PKHD1: variants seen among roughly 807,000 people sequenced by gnomAD.
PKHD1 encodes the protein fibrocystin.
A neutral mutation model predicts 412.0 loss-of-function variants in PKHD1; 291 were observed. That is an observed-to-expected ratio of 0.71 (90% CI 0.64 to 0.78). The LOEUF (loss-of-function observed/expected upper bound fraction) is 0.78, where lower values mean the gene tolerates loss of function less well. Ranked by LOEUF, PKHD1 falls within the 30% of genes least tolerant of loss-of-function variation. The probability of loss-of-function intolerance (pLI) is 0.00; values close to 1 mark genes in which losing one functional copy is unlikely to be tolerated. For synonymous variants in PKHD1, 1,777 were observed against 1,821.5 expected (o/e 0.98, Z 0.62); for missense variants, 4,825 against 4,950.7 (o/e 0.97, Z 0.76).
At chr6:51,698,888 T>C (rs1183197313) in intron 60 of PKHD1, among the ~76,000 whole-genome samples, 1 of 152,216 alleles carries the variant, frequency 6.6e-6, no homozygotes, top group Non-Finnish European at 1.5e-5. Flanking sequence ...AATATCCTTT[T>C]TGATCATAAC....
chr6:51,616,635 A>C lies in PKHD1; in HGVS notation c.*2446T>G. ...ATGCTAGAGCCTGGCAAGTTACTGA[A>C]GATGTTTATAGCTGCTATTTAGGCC... On this transcript the variant is annotated 3_prime_UTR_variant, in exon 67 of 67. Coordinates refer to ENST00000371117, the MANE Select transcript of PKHD1 (RefSeq NM_138694.4). 2.5e-6 allele frequency: 1 copy of C among 397,978 alleles called. No individual in the cohort carries two copies. The highest frequency in any genetic ancestry group is 4.4e-6 in the Non-Finnish European group (1 of 225,822). 24.7% of individuals were successfully genotyped at this position (397,978 alleles called of 1,614,324 possible).
chr6:51,619,015 C>T lies in PKHD1; in HGVS notation c.*66G>A. 6.9e-7 allele frequency: 1 copy of T among 1,448,608 alleles called. No homozygotes were observed. Among genetic ancestry groups the T allele is most frequent in the Non-Finnish European group, 9.7e-7 (1 of 1,030,974 alleles). 89.7% of individuals were successfully genotyped at this position (1,448,608 alleles called of 1,614,324 possible). ...CCCAGCAGGACAGTCCTCACTTCCC[C>T]AGCTTATTATCCAGAAATACTGGGA... On this transcript the variant is annotated 3_prime_UTR_variant, in exon 67 of 67. Transcript: ENST00000371117.
intron 60 of PKHD1, among the ~76,000 whole-genome samples, chr6:51,669,521 A>C (rs2150489601): frequency 6.9e-6 from 1 of 145,814 alleles, no homozygotes; most frequent in South Asian, 2.3e-4. Flanking sequence ...TAATTTTTTG[A>C]AGGGTTTTTT....
At chr6:51,925,457 G>A (rs76578066) in intron 37 of PKHD1, among the ~76,000 whole-genome samples, 24 of 128,930 alleles carry the variant, frequency 1.9e-4, no homozygotes, top group African/African-American at 5.9e-4. Context: ...GTGTGTGTAT[G>A]TGTGTGTGTG....
intron 35 of PKHD1, among the ~76,000 whole-genome samples, chr6:51,973,541 A>T (rs986121110): frequency 6.6e-6 from 1 of 152,202 alleles, no homozygotes; most frequent in African/African-American, 2.4e-5. Flanking sequence ...AGTCCCTCAT[A>T]GTTTGGAAAT....
At chr6:51,635,875 C>CGG (rs1768489345) in intron 64 of PKHD1, among the ~76,000 whole-genome samples, 1 of 76,518 alleles carries the variant, frequency 1.3e-5, no homozygotes, top group Non-Finnish European at 2.7e-5. Context: ...GGGCGGGGGG[C>CGG]CGGGGGCGGA....
chr6:51,785,582 T>C (rs1265295527), intron 53 of PKHD1, among the ~76,000 whole-genome samples: 1 of 152,254 alleles, frequency 6.6e-6, no homozygotes, highest in Non-Finnish European at 1.5e-5. Context: ...TTTTCTTTTC[T>C]ATTTTCTTTG....
chr6:52,061,678 AC>A (rs936202450), intron 14 of PKHD1, among the ~76,000 whole-genome samples: 3 of 151,434 alleles, frequency 2.0e-5, no homozygotes, highest in African/African-American at 7.3e-5. Context: ...AACGGTAAAA[AC>A]CGCAATTACT....
At chr6:52,071,153 G>T in intron 8 of PKHD1, 83 bp from the exon 9 acceptor site, 2 of 1,045,738 alleles carry the variant, frequency 1.9e-6, no homozygotes, top group Non-Finnish European at 3.0e-6. Context: ...AAAGTAGAAA[G>T]CAAAAGAAAA....
At chr6:51,654,736 G>A (rs1771535774) in intron 61 of PKHD1, among the ~76,000 whole-genome samples, 1 of 151,868 alleles carries the variant, frequency 6.6e-6, no homozygotes. Context: ...TAAAGATTTA[G>A]TGGTCTGGCA....
intron 52 of PKHD1, 111 bp from the exon 53 acceptor site, chr6:51,791,484 G>T: frequency 1.1e-6 from 1 of 921,160 alleles, no homozygotes; most frequent in Non-Finnish European, 1.7e-6. Context: ...TCTAAACCAG[G>T]ACAGGTATAG....
At chr6:51,959,772 A>C (rs1583571931) in intron 36 of PKHD1, 98 bp downstream of exon 36, 1 of 1,112,986 alleles carries the variant, frequency 9.0e-7, no homozygotes, top group East Asian at 2.4e-5. Context: ...ATTGTCAACT[A>C]AGTTCTGGAA....
intron 4 of PKHD1, among the ~76,000 whole-genome samples, chr6:52,080,522 A>C (rs1811882222): frequency 6.6e-6 from 1 of 152,202 alleles, no homozygotes; most frequent in South Asian, 2.1e-4. Flanking sequence ...TTGCCACCTG[A>C]TGCTGACATC....
intron 37 of PKHD1, among the ~76,000 whole-genome samples, chr6:51,917,925 A>T (rs1784081549): frequency 6.6e-6 from 1 of 152,184 alleles, no homozygotes; most frequent in Non-Finnish European, 1.5e-5. Flanking sequence ...TTAAGCCCAT[A>T]GTACACATAT....
chr6:51,791,462 T>C, intron 52 of PKHD1, 89 bp from the exon 53 acceptor site: 1 of 1,215,104 alleles, frequency 8.2e-7, no homozygotes, highest in Non-Finnish European at 1.2e-6. Context: ...TTGGGAGCTG[T>C]GTACAGTGTT....
intron 43 of PKHD1, among the ~76,000 whole-genome samples, chr6:51,893,600 C>T (rs985892265): frequency 2.0e-5 from 3 of 152,168 alleles, no homozygotes; most frequent in East Asian, 1.9e-4. Flanking sequence ...TGGCAGCTTG[C>T]GGGGAAGGTT....
intron 9 of PKHD1, among the ~76,000 whole-genome samples, chr6:52,070,749 T>C (rs950931619): frequency 2.0e-5 from 3 of 152,160 alleles, no homozygotes; most frequent in Admixed American, 2.0e-4. Context: ...TAAATATTGA[T>C]TTACTGGTAA....
At chr6:51,764,380 G>C (rs1174262111) in intron 55 of PKHD1, among the ~76,000 whole-genome samples, 1 of 148,950 alleles carries the variant, frequency 6.7e-6, no homozygotes, top group East Asian at 2.0e-4. Flanking sequence ...TCTCACACCA[G>C]TTAGAATGGC....
At chr6:51,641,681 G>A (rs1430464951) in intron 63 of PKHD1, among the ~76,000 whole-genome samples, 1 of 152,114 alleles carries the variant, frequency 6.6e-6, no homozygotes, top group South Asian at 2.1e-4. Flanking sequence ...AGAAAATGTG[G>A]CACATATACA....
Sources: allele counts gnomAD v4.1 joint callset (sites outside exome capture counted in the v4.1 genomes callset), GRCh38; gene constraint gnomAD v4.1.1; transcripts MANE v1.5; gene names NCBI Gene and HGNC (gene_info 2026-07-23, HGNC 2026-07-21).